Variants in STPG2 observed in about 807,000 individuals in gnomAD.
The protein encoded by STPG2 is sperm-tail PG-rich repeat-containing protein 2.
STPG2 carries 56 observed loss-of-function variants against 54.2 expected under a neutral mutation model. That is an observed-to-expected ratio of 1.03 (90% CI 0.83 to 1.29). The LOEUF (loss-of-function observed/expected upper bound fraction) is 1.29. Ranked by LOEUF, STPG2 falls within the 50% of genes most tolerant of loss-of-function variation. The pLI, the probability that STPG2 is intolerant of heterozygous loss-of-function variation, is 0.00. For synonymous variants in STPG2, 200 were observed against 181.8 expected (o/e 1.10, Z -0.81); for missense variants, 596 against 544.9 (o/e 1.09, Z -0.93).
intron 4 of STPG2, among the ~76,000 whole-genome samples, chr4:97,504,093 A>G: frequency 7.1e-6 from 1 of 141,124 alleles, no homozygotes; most frequent in Admixed American, 7.2e-5. Context: ...ATTTTATTTA[A>G]TATTTAATAA....
In STPG2 at chr4:97,778,831, G is replaced by A. The variant is rs558692330; in HGVS notation, c.1204+61942C>T. Among the ~76,000 whole-genome samples the A allele has an allele frequency of 5.3e-5, 8 of 152,286 alleles. No individual in the cohort carries two copies. In the East Asian group the frequency reaches 1.5e-3, roughly 29 times the overall value. ...TCCCCAGGCAAATAGAGCCTGGAGT[G>A]GACCTCCAGCAAACTCCAACAGACC... On this transcript the variant is annotated intron_variant, in intron 9 of 10. Coordinates refer to ENST00000295268, the MANE Select transcript of STPG2 (RefSeq NM_174952.3).
chr4:97,627,697 T>C (rs1268665248), intron 10 of STPG2, among the ~76,000 whole-genome samples: 1 of 152,180 alleles, frequency 6.6e-6, no homozygotes, highest in Non-Finnish European at 1.5e-5. Flanking sequence ...TACAGATACA[T>C]AGAGAATTTT....
chr4:98,034,119 A>C lies in STPG2; in HGVS notation c.613-52801T>G, dbSNP rs191224304. On this transcript the variant is annotated intron_variant, in intron 5 of 10. Transcript: ENST00000295268. The stretch of plus-strand genomic sequence containing the variant: ...CTGGCCAGGGCAATTTGGCAAGAGA[A>C]AAAAATAAACGGTATTCAATTAGGA... 2.1e-3 allele frequency among the ~76,000 whole-genome samples: 321 copies of C among 152,308 alleles called. 6 individuals carry two copies. The highest frequency in any genetic ancestry group is 7.8e-4 in the Non-Finnish European group (53 of 68,020).
intron 8 of STPG2, among the ~76,000 whole-genome samples, chr4:97,888,791 A>C (rs1486003385): frequency 1.3e-5 from 2 of 152,166 alleles, no homozygotes; most frequent in Non-Finnish European, 2.9e-5. Flanking sequence ...TCCCTGCCCA[A>C]ATATCATGTC....
At chr4:97,614,036 C>A (rs1299637888) in intron 10 of STPG2, among the ~76,000 whole-genome samples, 1 of 151,770 alleles carries the variant, frequency 6.6e-6, no homozygotes, top group Non-Finnish European at 1.5e-5. Context: ...ACAATTAGTT[C>A]AAATGAATGT....
chr4:97,921,634 A>G (rs1170016467), intron 8 of STPG2, among the ~76,000 whole-genome samples: 2 of 152,094 alleles, frequency 1.3e-5, no homozygotes, highest in Non-Finnish European at 2.9e-5. Context: ...CAAGACATAT[A>G]TGGGACATCA....
intron 4 of STPG2, among the ~76,000 whole-genome samples, chr4:97,518,151 C>T (rs907014555): frequency 3.9e-5 from 6 of 152,096 alleles, no homozygotes; most frequent in Non-Finnish European, 8.8e-5. Flanking sequence ...TATGTGCAGG[C>T]TGACATAACT....
chr4:97,455,967 A>C (rs2148802837), intron 4 of STPG2, among the ~76,000 whole-genome samples: 1 of 152,350 alleles, frequency 6.6e-6, no homozygotes, highest in African/African-American at 2.4e-5. Flanking sequence ...GAGGGGAACA[A>C]GGGAATGTTT....
intron 5 of STPG2, among the ~76,000 whole-genome samples, chr4:98,042,415 T>C (rs935767668): frequency 6.6e-6 from 1 of 151,920 alleles, no homozygotes; most frequent in Non-Finnish European, 1.5e-5. Context: ...GGTGTAACAG[T>C]AGGTTACTAA....
chr4:98,082,220 G>C (rs1295904678), intron 5 of STPG2, among the ~76,000 whole-genome samples: 1 of 151,894 alleles, frequency 6.6e-6, no homozygotes, highest in African/African-American at 2.4e-5. Context: ...CCTTATGACA[G>C]CGCTCAAGCC....
In STPG2 at chr4:97,929,029, T is replaced by C. The variant is rs539628292; in HGVS notation, c.1044+14868A>G. Among the ~76,000 whole-genome samples, 7 of 152,218 alleles carry C rather than the reference T, an allele frequency of 4.6e-5. No homozygotes were observed. In the South Asian group the frequency reaches 1.5e-3, roughly 32 times the overall value. On this transcript the variant is annotated intron_variant, in intron 8 of 10. Transcript: ENST00000295268. ...GTTTATCTTTTCTACTCCTATCCCT[T>C]CTCCCACCCTCCACCCTCAAGTAGA...
chr4:98,051,513 C>T (rs1737319816), intron 5 of STPG2, among the ~76,000 whole-genome samples: 1 of 152,000 alleles, frequency 6.6e-6, no homozygotes, highest in Non-Finnish European at 1.5e-5. Flanking sequence ...GGAAGACAGA[C>T]CTGAGCTGAC....
intron 9 of STPG2, among the ~76,000 whole-genome samples, chr4:97,768,903 C>G (rs753086580): frequency 2.0e-5 from 3 of 151,632 alleles, no homozygotes; most frequent in African/African-American, 7.3e-5. Context: ...GGTTTCACCA[C>G]GTTAGCCAGG....
At chr4:97,777,005 T>A (rs1726397939) in intron 9 of STPG2, among the ~76,000 whole-genome samples, 1 of 152,202 alleles carries the variant, frequency 6.6e-6, no homozygotes, top group Non-Finnish European at 1.5e-5. Context: ...CTCACAAGTT[T>A]CTTTTAAGAA....
At chr4:97,817,417 G>T (rs1456204) in intron 9 of STPG2, among the ~76,000 whole-genome samples, 1 of 151,806 alleles carries the variant, frequency 6.6e-6, no homozygotes, top group Admixed American at 6.6e-5. Context: ...CGATAAAATT[G>T]TAAGAATTAG....
intron 10 of STPG2, among the ~76,000 whole-genome samples, chr4:97,665,029 T>C (rs1419355456): frequency 1.3e-5 from 2 of 151,980 alleles, no homozygotes; most frequent in African/African-American, 4.8e-5. Flanking sequence ...CTGGACCAGG[T>C]GTACTGTAAG....
intron 8 of STPG2, among the ~76,000 whole-genome samples, chr4:97,883,792 T>A (rs1730464243): frequency 6.6e-6 from 1 of 152,134 alleles, no homozygotes; most frequent in Non-Finnish European, 1.5e-5. Context: ...ATTGAAATCC[T>A]CTTAGAAAGG....
intron 10 of STPG2, among the ~76,000 whole-genome samples, chr4:97,711,797 G>A (rs946579111): frequency 2.0e-5 from 3 of 151,262 alleles, no homozygotes; most frequent in Non-Finnish European, 4.4e-5. Flanking sequence ...AGCCTCCCGA[G>A]TAGCTGGGAC....
intron 10 of STPG2, among the ~76,000 whole-genome samples, chr4:97,565,265 G>T (rs1732396600): frequency 6.6e-6 from 1 of 152,154 alleles, no homozygotes; most frequent in Admixed American, 6.5e-5. Context: ...CAGTTCTCGA[G>T]CCTTGGCTTT....
Sources: gnomAD v4.1 joint callset for allele counts (sites outside exome capture counted in the v4.1 genomes callset) on GRCh38, gnomAD v4.1.1 for gene constraint, MANE v1.5 for transcripts, NCBI Gene and HGNC (gene_info 2026-07-23, HGNC 2026-07-21) for gene names.